The following TEX9 variants were observed in gnomAD, a reference collection of about 807,000 sequenced individuals.
TEX9 encodes the protein testis expressed 9, also known as testis-expressed protein 9.
Under a neutral mutation model 59.6 loss-of-function variants are expected in TEX9, and 74 were observed. That is an observed-to-expected ratio of 1.24 (90% CI 1.03 to 1.51). The LOEUF (loss-of-function observed/expected upper bound fraction) is 1.51, where lower values mean the gene tolerates loss of function less well. Ranked by LOEUF, TEX9 falls within the 40% of genes most tolerant of loss-of-function variation. TEX9 has a pLI of 0.00. For synonymous variants in TEX9, 186 were observed against 152.2 expected, an observed-to-expected ratio of 1.22 and a Z score of -1.64; for missense variants, 522 against 447.8, an observed-to-expected ratio of 1.17 and a Z score of -1.49.
intron 1 of TEX9, among the ~76,000 whole-genome samples, chr15:56,283,081 T>TGTGTAC (rs2044858926): frequency 6.7e-6 from 1 of 148,890 alleles, no homozygotes; most frequent in Non-Finnish European, 1.5e-5. Context: ...TGTGTGTGTG[T>TGTGTAC]ACATATACAC....
intron 1 of TEX9, among the ~76,000 whole-genome samples, chr15:56,338,209 C>T (rs1256761902): frequency 6.6e-6 from 1 of 152,202 alleles, no homozygotes; most frequent in Non-Finnish European, 1.5e-5. Context: ...CCTGAAGTTG[C>T]TGGTACAGGA....
rs2048206051 is a variant in TEX9 at position 56,391,434 on chromosome 15, T to G, written c.571+16T>G. On this transcript the variant is annotated intron_variant, in intron 7 of 12. Coordinates refer to ENST00000352903, the Ensembl canonical transcript of TEX9. ...ATTGGAACAGGTAGATTTTCTTTAG[T>G]TTTTTATTTTTATCTTTATAGCACA... The G allele has an allele frequency of 4.1e-6, 6 of 1,473,246 alleles. No individual in the cohort carries two copies. The highest frequency in any genetic ancestry group is 1.8e-4 in the Middle Eastern group (1 of 5,508). 91.3% of individuals were successfully genotyped at this position (1,473,246 alleles called of 1,614,324 possible).
chr15:56,300,881 G>T (rs1275684812), intron 1 of TEX9, among the ~76,000 whole-genome samples: 2 of 152,152 alleles, frequency 1.3e-5, no homozygotes, highest in African/African-American at 4.8e-5. Flanking sequence ...TTCCTAAGAA[G>T]AACAGGTACA....
At chr15:56,366,224 G>A (rs1293140578) in intron 2 of TEX9, among the ~76,000 whole-genome samples, 1 of 152,168 alleles carries the variant, frequency 6.6e-6, no homozygotes, top group Non-Finnish European at 1.5e-5. Flanking sequence ...TCACACAGCA[G>A]CCAGTGTAAT....
Position 56,365,567 on chromosome 15 carries a change from G to T in TEX9, c.28-12G>T. ...TTAACTTCGGGTCTGAAAGTCTGTG[G>T]CTCTTTTACAGAGAAGCAGCGTTCC... On this transcript the variant is annotated splice_polypyrimidine_tract_variant and intron_variant, in intron 1 of 12. Transcript: ENST00000352903. The T allele has an allele frequency of 6.2e-7, 1 of 1,614,196 alleles. No homozygotes were observed. Among genetic ancestry groups the T allele is most frequent in the Non-Finnish European group, 8.5e-7 (1 of 1,180,040 alleles).
At chr15:56,345,628 C>G (rs564023643) in intron 1 of TEX9, among the ~76,000 whole-genome samples, 3 of 152,226 alleles carry the variant, frequency 2.0e-5, no homozygotes, top group Middle Eastern at 6.8e-3. Context: ...TCAGCCAAGT[C>G]CCATCCCTTC....
chr15:56,337,501 C>A (rs1330877775), intron 1 of TEX9, among the ~76,000 whole-genome samples: 1 of 152,184 alleles, frequency 6.6e-6, no homozygotes, highest in Non-Finnish European at 1.5e-5. Context: ...GTAACTGGGG[C>A]AGCTGTAACC....
chr15:56,309,693 GTTTTTTTTTTTTTT>G lies in TEX9; in HGVS notation c.-106-63730_-106-63717del, dbSNP rs60648387. Reference sequence around the variant, plus strand: ...TCTGGGCCTGGGATTTTTATGGGAAGTTTTTTTTTTTTTTTTTTTTTTTTTTTTTTTAAAGCAGT... The same window carrying G: ...TCTGGGCCTGGGATTTTTATGGGAAGTTTTTTTTTTTTTTTTTAAAGCAGT... On this transcript the variant is annotated intron_variant, in intron 1 of 5. Transcript: ENST00000560827. Among the ~76,000 whole-genome samples the G allele has an allele frequency of 2.0e-3, 120 of 60,806 alleles. 1 individual carries two copies. The South Asian group carries it at 0.02, about 10-fold the overall frequency. 39.9% of individuals were successfully genotyped at this position (60,806 alleles called of 152,430 possible). A position where few individuals can be genotyped will look rare whatever the true frequency, so the allele number is the denominator to read the frequency against.
At chr15:56,251,372 C>T (rs1332369928) in intron 1 of TEX9, among the ~76,000 whole-genome samples, 2 of 152,178 alleles carry the variant, frequency 1.3e-5, no homozygotes, top group Admixed American at 1.3e-4. Flanking sequence ...CCATCCTTGT[C>T]TCTTGTAACC....
chr15:56,446,192 T>A (rs146447872), downstream of TEX9, among the ~76,000 whole-genome samples: 1 of 152,062 alleles, frequency 6.6e-6, no homozygotes, highest in Non-Finnish European at 1.5e-5. Context: ...TAGATATGTA[T>A]GTGTATATAA....
intron 9 of TEX9, among the ~76,000 whole-genome samples, chr15:56,399,088 T>C (rs2048636465): frequency 6.6e-6 from 1 of 152,162 alleles, no homozygotes; most frequent in Non-Finnish European, 1.5e-5. Context: ...AGGTACCTGG[T>C]TCATCTCACT....
the TEX9 span, among the ~76,000 whole-genome samples, chr15:56,459,982 T>G: frequency 2.6e-5 from 1 of 38,016 alleles, no homozygotes; most frequent in Non-Finnish European, 4.6e-5. Flanking sequence ...AAGAGCGAAA[T>G]TCTGTCTCAA....
chr15:56,348,905 C>T (rs1228304902), intron 1 of TEX9, among the ~76,000 whole-genome samples: 1 of 145,266 alleles, frequency 6.9e-6, no homozygotes, highest in Non-Finnish European at 1.5e-5. Flanking sequence ...TCACAAGTCC[C>T]TGAGTTCATA....
chr15:56,328,388 G>C (rs1331832100), intron 1 of TEX9, among the ~76,000 whole-genome samples: 2 of 152,110 alleles, frequency 1.3e-5, no homozygotes, highest in Non-Finnish European at 2.9e-5. Flanking sequence ...ATTCCCAACT[G>C]TGGTGACTAT....
At chr15:56,443,432 T>G in intron 12 of TEX9, 1 of 1,561,476 alleles carries the variant, frequency 6.4e-7, no homozygotes, top group Non-Finnish European at 8.6e-7. Flanking sequence ...AAACTTACTT[T>G]TAGCTTGCTC....
chr15:56,444,446 C>A (rs1453300707), intron 12 of TEX9: 3 of 1,603,392 alleles, frequency 1.9e-6, no homozygotes, highest in South Asian at 1.1e-5. Context: ...AAACTTACAA[C>A]TGATCTTCTT....
chr15:56,457,065 A>G, the TEX9 span, among the ~76,000 whole-genome samples: 1 of 152,208 alleles, frequency 6.6e-6, no homozygotes, highest in Non-Finnish European at 1.5e-5. Context: ...AATCCAAACA[A>G]GATCCACATA....
chr15:56,365,284 G>C (rs986862496), upstream of TEX9: 8 of 853,554 alleles, frequency 9.4e-6, no homozygotes, highest in East Asian at 1.9e-4. Context: ...GGACAGCGCC[G>C]AGTGCTGCGA....
intron 1 of TEX9, among the ~76,000 whole-genome samples, chr15:56,283,276 G>T (rs1394411155): frequency 1.3e-5 from 2 of 151,900 alleles, no homozygotes; most frequent in Non-Finnish European, 2.9e-5. Flanking sequence ...TATGTTGGTG[G>T]TTTAAAACGC....
Sources: allele counts gnomAD v4.1 joint callset (sites outside exome capture counted in the v4.1 genomes callset), GRCh38; gene constraint gnomAD v4.1.1; transcripts MANE v1.5; gene names NCBI Gene and HGNC (gene_info 2026-07-23, HGNC 2026-07-21).